ALDH18A1: variants seen among roughly 807,000 people sequenced by gnomAD.
The protein encoded by ALDH18A1 is delta-1-pyrroline-5-carboxylate synthase.
Under a neutral mutation model 88.8 loss-of-function variants are expected in ALDH18A1, and 44 were observed. The ratio of observed to expected loss-of-function variants is 0.50; its 90% CI spans 0.39 to 0.64. The LOEUF (loss-of-function observed/expected upper bound fraction) is 0.64. ALDH18A1 is among the 30% of genes least tolerant of loss of function. ALDH18A1 has a pLI of 0.00. For synonymous variants in ALDH18A1, 331 were observed against 372.1 expected (o/e 0.89, Z 1.27); for missense variants, 782 against 1,009.5 (o/e 0.77, Z 3.05).
rs538099026 is a variant in ALDH18A1 at position 95,637,500 on chromosome 10, G to C, written c.304-64C>G. 8.1e-5 allele frequency: 129 copies of C among 1,596,196 alleles called. No homozygotes were observed. The African/African-American group carries it at 1.5e-3, about 19-fold the overall frequency. ...TACTGTCTCTTTCATCTCTTCACAA[G>C]GGATGGAGGTAGGGTGGGCTATCGA... On this transcript the variant is annotated intron_variant, in intron 3 of 17. Coordinates refer to ENST00000371224, the MANE Select transcript of ALDH18A1 (RefSeq NM_002860.4).
At chr10:95,636,749 T>C (rs1274564695) in intron 5 of ALDH18A1, among the ~76,000 whole-genome samples, 2 of 152,264 alleles carry the variant, frequency 1.3e-5, no homozygotes, top group Non-Finnish European at 2.9e-5. Context: ...TAAAGACATT[T>C]AACTTCTCTG....
At chr10:95,606,972 G>C in intron 17 of ALDH18A1, 29 bp from the exon 18 acceptor site, 1 of 1,609,228 alleles carries the variant, frequency 6.2e-7, no homozygotes, top group Non-Finnish European at 8.5e-7. Context: ...AAAAGATGTA[G>C]CTTTTCCCAG....
intron 3 of ALDH18A1, among the ~76,000 whole-genome samples, chr10:95,641,816 A>G (rs1398531306): frequency 6.6e-6 from 1 of 151,490 alleles, no homozygotes; most frequent in Non-Finnish European, 1.5e-5. Flanking sequence ...TTTTAAAAAA[A>G]TTTTTGTAGA....
In ALDH18A1 at chr10:95,606,172, G is replaced by C; in HGVS notation, c.*590C>G. 1.1e-6 allele frequency: 1 copy of C among 874,394 alleles called. No homozygotes were observed. The highest frequency in any genetic ancestry group is 1.4e-6 in the Non-Finnish European group (1 of 727,364). The allele number at this position is 874,394 out of a possible 1,614,324, so 54.2% of individuals were successfully genotyped here. ...ATCACGGGGAACACAGCATCTCCTG[G>C]ATGCAGGAAGCTGCAAGCATCTGGA... is the stretch of plus-strand genomic sequence containing the variant. On this transcript the variant is annotated 3_prime_UTR_variant, in exon 18 of 18. Transcript: ENST00000371224.
intron 12 of ALDH18A1, among the ~76,000 whole-genome samples, chr10:95,619,192 C>A (rs1421583467): frequency 1.3e-5 from 2 of 152,054 alleles, no homozygotes; most frequent in Non-Finnish European, 2.9e-5. Context: ...TTCACAATTG[C>A]TACAAAGAGA....
chr10:95,646,806 G>T (rs2097902053), intron 2 of ALDH18A1, among the ~76,000 whole-genome samples: 1 of 152,162 alleles, frequency 6.6e-6, no homozygotes, highest in Admixed American at 6.5e-5. Flanking sequence ...TGTGTGTACA[G>T]ATGTGGCATG....
Position 95,638,878 on chromosome 10 carries a change from C to CT in ALDH18A1, c.304-1443dup, listed in dbSNP as rs757754108. ...AAACCATGATTTAAAACAATAATAA[C>CT]TTTTTTTTTTTTGAAACACAGTCTT... On this transcript the variant is annotated intron_variant, in intron 3 of 17. Transcript: ENST00000371224. Among the ~76,000 whole-genome samples, 412 of 146,278 alleles carry CT rather than the reference C, an allele frequency of 2.8e-3. 4 individuals are homozygous for CT. Among genetic ancestry groups the CT allele is most frequent in the African/African-American group, 8.9e-3 (360 of 40,474 alleles).
Position 95,634,417 on chromosome 10 carries a change from T to A in ALDH18A1, c.559-768A>T, listed in dbSNP as rs75728328. Among the ~76,000 whole-genome samples the A allele has an allele frequency of 3.1e-3, 466 of 152,308 alleles. 3 individuals are homozygous for A. The highest frequency in any genetic ancestry group is 0.011 in the African/African-American group (440 of 41,552). On this transcript the variant is annotated intron_variant, in intron 5 of 17. Coordinates refer to ENST00000371224, the MANE Select transcript of ALDH18A1 (RefSeq NM_002860.4). ...CTGTGCCCCAGCAATTTCTAAAATA[T>A]CTCTGTATTCTAGGATCTGATTCAG...
intron 12 of ALDH18A1, 85 bp downstream of exon 12, chr10:95,620,946 A>AAAAG: frequency 7.3e-7 from 1 of 1,369,152 alleles, no homozygotes; most frequent in Non-Finnish European, 1.0e-6. Context: ...AAAAAAAAAA[A>AAAAG]AAAGAAAAGA....
rs751017267 is a variant in ALDH18A1, at chr10:95,633,560, G to T, written c.648C>A (p.Val216=). 27 of 1,614,026 alleles carry T rather than the reference G, an allele frequency of 1.7e-5. No individual in the cohort carries two copies. The highest frequency in any genetic ancestry group is 2.2e-5 in the Non-Finnish European group (26 of 1,180,046). The change falls in exon 6 of 18, where the codon GTC becomes GTA. Residue 216 remains valine (V), a synonymous_variant. Coordinates refer to ENST00000371224, the MANE Select transcript of ALDH18A1 (RefSeq NM_002860.4). Reference sequence around the variant, plus strand: ...CAGCATCATTTGTGTTGACAATGGGGACAATGTTCATTCTAAGGAGTTCAT... The same window carrying T: ...CAGCATCATTTGTGTTGACAATGGGTACAATGTTCATTCTAAGGAGTTCAT... The part of the protein sequence containing the change: ...TLHELLRMNI[V]PIVNTNDAVV...
chr10:95,613,626 A>G, intron 15 of ALDH18A1, 116 bp downstream of exon 15: 2 of 1,374,326 alleles, frequency 1.5e-6, no homozygotes, highest in Non-Finnish European at 2.1e-6. Flanking sequence ...CTTTGTACAC[A>G]GAAGATATTA....
Position 95,606,875 on chromosome 10 carries a change from T to A in ALDH18A1, c.2275A>T (p.Thr759Ser). The change falls in exon 18 of 18, where the codon ACT becomes TCT. Residue 759 changes from threonine to serine, a missense_variant. Physicochemically the swap from Thr to Ser is moderately conservative, Grantham distance 58. Transcript: ENST00000371224. The stretch of plus-strand genomic sequence containing the variant: ...TTCCCTCGCAGCAGCCACTTAGTAG[T>A]AAGCAGTCCCTCAAGTCCTACTGGT... ...RGPVGLEGLL[T>S]TKWLLRGKDH... 2 of 1,614,214 alleles carry A rather than the reference T, an allele frequency of 1.2e-6. No homozygotes were observed. The highest frequency in any genetic ancestry group is 1.7e-6 in the Non-Finnish European group (2 of 1,180,022).
chr10:95,650,203 T>A (rs1258958502), intron 2 of ALDH18A1, among the ~76,000 whole-genome samples: 1 of 152,090 alleles, frequency 6.6e-6, no homozygotes, highest in African/African-American at 2.4e-5. Context: ...AAAAGTACAA[T>A]CCATAAAAAC....
intron 15 of ALDH18A1, 80 bp from the exon 16 acceptor site, chr10:95,611,522 C>G: frequency 6.5e-7 from 1 of 1,534,268 alleles, no homozygotes; most frequent in Non-Finnish European, 9.0e-7. Context: ...GAAAGGTGAG[C>G]CTGTAAAACC....
rs574468427 is a variant in ALDH18A1 at position 95,613,854 on chromosome 10, G to C, written c.1811C>G (p.Ser604Cys). 2.5e-6 allele frequency: 4 copies of C among 1,614,190 alleles called. No homozygotes were observed. In the South Asian group the frequency reaches 3.3e-5, roughly 13 times the overall value. The change falls in exon 15 of 18, where the codon TCT (serine) becomes TGT (cysteine). Residue 604 changes from serine (S) to cysteine (C), a missense_variant. By Grantham distance (112) the Ser-to-Cys change is moderately radical. Coordinates refer to ENST00000371224, the MANE Select transcript of ALDH18A1 (RefSeq NM_002860.4). The part of the protein sequence containing the change: ...VDKVTRLVRD[S>C]KCEYPAACNA... Reference sequence around the variant, plus strand: ...ACAGGCAGCTGGATATTCACATTTAGAGTCTCTGACTGAAAGAAGATGAGC... The same window carrying C: ...ACAGGCAGCTGGATATTCACATTTACAGTCTCTGACTGAAAGAAGATGAGC...
At chr10:95,643,617 G>T (rs1340081576) in intron 2 of ALDH18A1, among the ~76,000 whole-genome samples, 3 of 152,136 alleles carry the variant, frequency 2.0e-5, no homozygotes, top group Admixed American at 1.3e-4. Context: ...AACATTTTTA[G>T]AATTTTTAAT....
intron 1 of ALDH18A1, 71 bp from the exon 2 acceptor site, chr10:95,653,476 C>A: frequency 7.7e-7 from 1 of 1,300,700 alleles, no homozygotes; most frequent in Non-Finnish European, 1.1e-6. Context: ...CCCTCTACTT[C>A]CCCTTACCCT....
At chr10:95,624,568 G>C (rs2097857847) in intron 11 of ALDH18A1, among the ~76,000 whole-genome samples, 1 of 152,180 alleles carries the variant, frequency 6.6e-6, no homozygotes, top group Admixed American at 6.5e-5. Context: ...ATAATGCAAA[G>C]GAAATTCAAA....
intron 3 of ALDH18A1, 136 bp from the exon 4 acceptor site, chr10:95,637,572 G>C: frequency 2.9e-6 from 3 of 1,048,226 alleles, no homozygotes; most frequent in Non-Finnish European, 4.2e-6. Context: ...GCTGGCTCTG[G>C]AAGAATCAGC....
Sources: allele counts gnomAD v4.1 joint callset (sites outside exome capture counted in the v4.1 genomes callset), GRCh38; gene constraint gnomAD v4.1.1; transcripts MANE v1.5; gene names NCBI Gene and HGNC (gene_info 2026-07-23, HGNC 2026-07-21).